Variants in CCSER1 observed in about 807,000 individuals in gnomAD.
CCSER1 encodes coiled-coil serine rich protein 1, also known as serine-rich coiled-coil domain-containing protein 1.
In CCSER1, 41 loss-of-function variants were observed where a neutral mutation model predicts 82.0. The ratio of observed to expected loss-of-function variants is 0.50; its 90% CI spans 0.39 to 0.65. CCSER1 has a LOEUF of 0.65. Ranked by LOEUF, CCSER1 falls within the 30% of genes least tolerant of loss-of-function variation. The pLI is 0.00. For synonymous variants in CCSER1, 414 were observed against 383.9 expected, an observed-to-expected ratio of 1.08 and a Z score of -0.92; for missense variants, 1,119 against 1,064.2, an observed-to-expected ratio of 1.05 and a Z score of -0.72.
chr4:90,943,569 AAG>A (rs576982656), intron 9 of CCSER1, among the ~76,000 whole-genome samples: 1 of 151,442 alleles, frequency 6.6e-6, no homozygotes. Flanking sequence ...CGGAGACAGA[AAG>A]AGAGAGAGAG....
intron 5 of CCSER1, among the ~76,000 whole-genome samples, chr4:90,494,436 C>A (rs1768645707): frequency 6.6e-6 from 1 of 152,164 alleles, no homozygotes; most frequent in Non-Finnish European, 1.5e-5. Flanking sequence ...CTACAGAACT[C>A]TCCACCCCAA....
intron 5 of CCSER1, among the ~76,000 whole-genome samples, chr4:90,535,480 A>G (rs1243258546): frequency 6.6e-6 from 1 of 152,214 alleles, no homozygotes; most frequent in African/African-American, 2.4e-5. Flanking sequence ...AATAGTAGTA[A>G]AACTCATTTG....
At chr4:91,126,684 G>A (rs923898533) in intron 10 of CCSER1, among the ~76,000 whole-genome samples, 2 of 151,934 alleles carry the variant, frequency 1.3e-5, no homozygotes, top group Non-Finnish European at 2.9e-5. Context: ...GAATAGAGTA[G>A]ATGAGAATAG....
intron 5 of CCSER1, among the ~76,000 whole-genome samples, chr4:90,610,996 G>T (rs1785398067): frequency 6.6e-6 from 1 of 150,890 alleles, no homozygotes; most frequent in South Asian, 2.1e-4. Flanking sequence ...TCCTGCCTCA[G>T]CCTCCTGAGT....
chr4:91,378,557 T>C (rs536319640), intron 10 of CCSER1, among the ~76,000 whole-genome samples: 3 of 152,306 alleles, frequency 2.0e-5, no homozygotes, highest in Admixed American at 6.5e-5. Context: ...TGTTTGTCTG[T>C]TATTGGTGTA....
At chr4:90,830,845 A>G (rs962666479) in intron 8 of CCSER1, among the ~76,000 whole-genome samples, 2 of 152,152 alleles carry the variant, frequency 1.3e-5, no homozygotes, top group African/African-American at 2.4e-5. Context: ...TTAAAAAGTG[A>G]CATATGTGTA....
chr4:91,098,426 A>G (rs957861467), intron 10 of CCSER1, among the ~76,000 whole-genome samples: 2 of 152,174 alleles, frequency 1.3e-5, no homozygotes, highest in African/African-American at 4.8e-5. Context: ...ATCACAAACA[A>G]TTTCTCTTTC....
chr4:90,944,865 A>T (rs916491162), intron 9 of CCSER1, among the ~76,000 whole-genome samples: 3 of 152,118 alleles, frequency 2.0e-5, no homozygotes, highest in African/African-American at 7.2e-5. Context: ...CTTCTTCCCC[A>T]CCTGCTCTGT....
intron 10 of CCSER1, among the ~76,000 whole-genome samples, chr4:91,520,694 T>C (rs920661618): frequency 1.3e-5 from 2 of 152,180 alleles, no homozygotes; most frequent in Non-Finnish European, 1.5e-5. Context: ...TTAGTACTTC[T>C]TGTAAGATAG....
chr4:90,914,352 G>T (rs527810417), intron 8 of CCSER1, among the ~76,000 whole-genome samples: 5 of 152,078 alleles, frequency 3.3e-5, no homozygotes, highest in African/African-American at 1.2e-4. Context: ...ACTCAAAACC[G>T]CTCAACTACA....
intron 10 of CCSER1, among the ~76,000 whole-genome samples, chr4:91,150,939 G>A (rs979663784): frequency 6.6e-6 from 1 of 151,958 alleles, no homozygotes; most frequent in African/African-American, 2.4e-5. Flanking sequence ...CTCTTTTTTT[G>A]TTGTGTCTCT....
chr4:90,869,540 A>G (rs1023022630), intron 8 of CCSER1, among the ~76,000 whole-genome samples: 4 of 151,548 alleles, frequency 2.6e-5, no homozygotes, highest in South Asian at 2.1e-4. Context: ...TGGATTTTCT[A>G]TTTTGTTCCA....
At chr4:90,271,161 A>G (rs933551234) in intron 1 of CCSER1, among the ~76,000 whole-genome samples, 1 of 152,164 alleles carries the variant, frequency 6.6e-6, no homozygotes, top group African/African-American at 2.4e-5. Flanking sequence ...ATGGAGCCAC[A>G]AAAGGCTCTG....
At chr4:91,218,926 C>T (rs1369304760) in intron 10 of CCSER1, among the ~76,000 whole-genome samples, 2 of 152,222 alleles carry the variant, frequency 1.3e-5, no homozygotes, top group South Asian at 4.1e-4. Context: ...CGATACAAAC[C>T]TAAAGCAACT....
At position 90,621,259 on chromosome 4, in the gene CCSER1, A is replaced by G. The variant is rs531603552; in HGVS notation, c.1725-6766A>G. On this transcript the variant is annotated intron_variant, in intron 5 of 10. Coordinates refer to ENST00000509176, the MANE Select transcript of CCSER1 (RefSeq NM_001145065.2). The stretch of plus-strand genomic sequence containing the variant: ...TTTTTTCTTTTTTGCCAGGGAGGAA[A>G]TGTTTTCCTGAAGCCCTCCTACCTC... Among the ~76,000 whole-genome samples, 19 of 152,314 alleles carry G rather than the reference A, an allele frequency of 1.2e-4. No individual in the cohort carries two copies. The South Asian group carries it at 3.9e-3, about 32-fold the overall frequency.
At chr4:90,931,852 A>T (rs73834586) in intron 9 of CCSER1, among the ~76,000 whole-genome samples, 1 of 152,124 alleles carries the variant, frequency 6.6e-6, no homozygotes, top group Non-Finnish European at 1.5e-5. Flanking sequence ...GCTAGCTTCT[A>T]CCTTTTGCCA....
chr4:91,349,792 A>G (rs1748349057), intron 10 of CCSER1, among the ~76,000 whole-genome samples: 1 of 151,804 alleles, frequency 6.6e-6, no homozygotes, highest in Non-Finnish European at 1.5e-5. Flanking sequence ...GGGGCCTCGT[A>G]AGATTGAGTT....
At chr4:91,320,166 G>A (rs1413063230) in intron 10 of CCSER1, among the ~76,000 whole-genome samples, 2 of 152,038 alleles carry the variant, frequency 1.3e-5, no homozygotes, top group Non-Finnish European at 2.9e-5. Flanking sequence ...TGCAAGAGTA[G>A]TGATGCTGGC....
At chr4:91,500,908 G>C (rs190125019) in intron 10 of CCSER1, among the ~76,000 whole-genome samples, 1 of 152,048 alleles carries the variant, frequency 6.6e-6, no homozygotes, top group East Asian at 1.9e-4. Flanking sequence ...CTGAGAAAAA[G>C]TGTTAGATAC....
Sources: gnomAD v4.1 joint callset for allele counts (sites outside exome capture counted in the v4.1 genomes callset) on GRCh38, gnomAD v4.1.1 for gene constraint, MANE v1.5 for transcripts, NCBI Gene and HGNC (gene_info 2026-07-23, HGNC 2026-07-21) for gene names.